Variants in FBN2 observed in about 807,000 individuals in gnomAD.
FBN2 encodes fibrillin-2.
A neutral mutation model predicts 355.6 loss-of-function variants in FBN2; 105 were observed. That is an observed-to-expected ratio of 0.30 (90% confidence interval 0.25 to 0.35). FBN2 has a LOEUF of 0.35. Among genes scored for constraint, FBN2 ranks in the 10% least tolerant of loss-of-function variants. FBN2 has a pLI of 1.00. For missense variants in FBN2, 3,280 were observed against 3,758.7 expected, an observed-to-expected ratio of 0.87 and a Z score of 3.33; for synonymous variants, 1,350 against 1,301.2, an observed-to-expected ratio of 1.04 and a Z score of -0.81.
chr5:128,413,131 G>C (rs1384832134), intron 7 of FBN2, among the ~76,000 whole-genome samples: 1 of 152,166 alleles, frequency 6.6e-6, no homozygotes, highest in Non-Finnish European at 1.5e-5. Flanking sequence ...AATCTACAGA[G>C]CTAAAAATTT....
At chr5:128,526,242 AC>A (rs1487485791) in intron 4 of FBN2, among the ~76,000 whole-genome samples, 1 of 152,144 alleles carries the variant, frequency 6.6e-6, no homozygotes, top group Non-Finnish European at 1.5e-5. Context: ...AGAAAAAAAA[AC>A]AGAAAATAAC....
At chr5:128,392,949 G>C (rs1045559333) in intron 10 of FBN2, among the ~76,000 whole-genome samples, 186 bp downstream of exon 10, 1 of 152,002 alleles carries the variant, frequency 6.6e-6, no homozygotes, top group African/African-American at 2.4e-5. Flanking sequence ...CCCAAATTTA[G>C]TATTACTATG....
chr5:128,437,835 C>A (rs1014362603), intron 7 of FBN2, among the ~76,000 whole-genome samples: 7 of 151,492 alleles, frequency 4.6e-5, no homozygotes, highest in Non-Finnish European at 7.4e-5. Flanking sequence ...GACAGACAGA[C>A]AGAAAGACAG....
At chr5:128,357,786 T>C (rs1461121451) in intron 19 of FBN2, among the ~76,000 whole-genome samples, 2 of 152,150 alleles carry the variant, frequency 1.3e-5, no homozygotes, top group Non-Finnish European at 2.9e-5. Context: ...ACTTAAAAAG[T>C]CTATCTTAGA....
At chr5:128,522,064 A>C (rs1756447445) in intron 4 of FBN2, among the ~76,000 whole-genome samples, 1 of 152,198 alleles carries the variant, frequency 6.6e-6, no homozygotes, top group Non-Finnish European at 1.5e-5. Context: ...CTAATACTAT[A>C]AATATTGAAG....
At chr5:128,408,919 C>T (rs907791514) in intron 7 of FBN2, 120 bp from the exon 8 acceptor site, 1 of 1,052,276 alleles carries the variant, frequency 9.5e-7, no homozygotes, top group Non-Finnish European at 1.5e-6. Flanking sequence ...ATCATATAAC[C>T]CTGAAGATAC....
At chr5:128,436,263 TC>T (rs1294180446) in intron 7 of FBN2, among the ~76,000 whole-genome samples, 2 of 152,186 alleles carry the variant, frequency 1.3e-5, no homozygotes, top group East Asian at 3.9e-4. Context: ...CTATCACTCT[TC>T]CCCGCTGGTC....
intron 25 of FBN2, 56 bp from the exon 26 acceptor site, chr5:128,339,117 C>T: frequency 6.3e-7 from 1 of 1,589,072 alleles, no homozygotes; most frequent in Non-Finnish European, 8.6e-7. Context: ...ACTTGGCCTT[C>T]CAAGCGAAGG....
chr5:128,475,986 C>T (rs1193627741), intron 5 of FBN2, among the ~76,000 whole-genome samples: 3 of 152,138 alleles, frequency 2.0e-5, no homozygotes, highest in Non-Finnish European at 4.4e-5. Context: ...GTAAATTATT[C>T]CTACAATCTC....
rs140978642 is a variant in FBN2, at chr5:128,274,628, G to C, written c.7650C>G (p.Thr2550=). The C allele has an allele frequency of 3.4e-4, 554 of 1,613,472 alleles. 6 individuals carry two copies. In the East Asian group the frequency reaches 0.011, roughly 31 times the overall value. ...QHNCQFLCVN[T]LGGFTCKCPP... ...GACATTTACAGGTAAACCCCCCCAGGGTGTTGACACAGAGGAACTGGCAGT... is the reference window on the plus strand; with the variant it reads ...GACATTTACAGGTAAACCCCCCCAGCGTGTTGACACAGAGGAACTGGCAGT... The change falls in exon 60 of 65, where the codon ACC becomes ACG. Residue 2550 remains threonine (T), a synonymous_variant. Transcript: ENST00000262464.
intron 5 of FBN2, among the ~76,000 whole-genome samples, chr5:128,476,248 TA>T (rs1295134578): frequency 6.6e-6 from 1 of 152,066 alleles, no homozygotes; most frequent in Admixed American, 6.5e-5. Context: ...CCACAAAATA[TA>T]ATGCTTTATA....
intron 48 of FBN2, among the ~76,000 whole-genome samples, chr5:128,294,285 C>G (rs1244656165): frequency 3.3e-5 from 5 of 151,840 alleles, no homozygotes; most frequent in Non-Finnish European, 7.4e-5. Flanking sequence ...GTGAATAATG[C>G]CGCAATAAAC....
intron 24 of FBN2, among the ~76,000 whole-genome samples, chr5:128,344,857 C>A (rs989438436): frequency 1.3e-5 from 2 of 152,096 alleles, no homozygotes; most frequent in African/African-American, 4.8e-5. Context: ...CGAGCCACCA[C>A]GCCCGGCTAA....
intron 41 of FBN2, among the ~76,000 whole-genome samples, 180 bp from the exon 42 acceptor site, chr5:128,307,383 T>C (rs1749912536): frequency 6.6e-6 from 1 of 152,158 alleles, no homozygotes; most frequent in South Asian, 2.1e-4. Flanking sequence ...AGGCATTCTT[T>C]ACCATTATTA....
chr5:128,441,164 G>A (rs892823102), intron 7 of FBN2, among the ~76,000 whole-genome samples: 1 of 152,062 alleles, frequency 6.6e-6, no homozygotes, highest in Non-Finnish European at 1.5e-5. Flanking sequence ...TTCCAATCAC[G>A]CAGCTTATAA....
At chr5:128,494,081 T>G (rs1300127556) in intron 5 of FBN2, among the ~76,000 whole-genome samples, 1 of 152,106 alleles carries the variant, frequency 6.6e-6, no homozygotes, top group African/African-American at 2.4e-5. Context: ...ACACAGATAT[T>G]TCAGAGGAGA....
intron 48 of FBN2, among the ~76,000 whole-genome samples, chr5:128,292,816 T>A (rs1749364466): frequency 6.6e-6 from 1 of 152,154 alleles, no homozygotes; most frequent in Non-Finnish European, 1.5e-5. Flanking sequence ...CAATCATCAA[T>A]CCTCTGTGAC....
chr5:128,485,228 GC>G (rs202027711), intron 5 of FBN2, among the ~76,000 whole-genome samples: 5,916 of 152,076 alleles, frequency 0.039, 169 homozygotes, highest in Non-Finnish European at 0.054. Context: ...TTGCCATGTT[GC>G]CCAGGTTGGT....
In FBN2 at chr5:128,530,583, T is replaced by G; in HGVS notation, c.436+12A>C. 6.3e-7 allele frequency: 1 copy of G among 1,583,630 alleles called. No homozygotes were observed. The highest frequency in any genetic ancestry group is 2.2e-5 in the East Asian group (1 of 44,690). ...AAAAATGCAGTGAAAAGGCCACAAGTAAGAAACATACTTGATTTTGATCCA... is the reference window on the plus strand; with the variant it reads ...AAAAATGCAGTGAAAAGGCCACAAGGAAGAAACATACTTGATTTTGATCCA... On this transcript the variant is annotated intron_variant, in intron 3 of 64. Transcript: ENST00000262464.
Sources: allele counts gnomAD v4.1 joint callset (sites outside exome capture counted in the v4.1 genomes callset), GRCh38; gene constraint gnomAD v4.1.1; transcripts MANE v1.5; gene names NCBI Gene and HGNC (gene_info 2026-07-23, HGNC 2026-07-21).